Variants in STK32C observed in about 807,000 individuals in gnomAD.
The protein encoded by STK32C is serine/threonine-protein kinase 32C.
STK32C carries 31 observed loss-of-function variants against 56.5 expected under a neutral mutation model. The observed-to-expected ratio is 0.55, with a 90% CI of 0.41 to 0.74. STK32C has a LOEUF of 0.74. Ranked by LOEUF, STK32C falls within the 30% of genes least tolerant of loss-of-function variation. STK32C has a pLI of 0.00. For synonymous variants in STK32C, 309 were observed against 289.4 expected, an observed-to-expected ratio of 1.07 and a Z score of -0.69; for missense variants, 544 against 676.9, an observed-to-expected ratio of 0.80 and a Z score of 2.18.
rs190600928 is a variant in STK32C, at chr10:132,273,855, G to A, written c.263-27900C>T. Among the ~76,000 whole-genome samples, 5 of 152,188 alleles carry A rather than the reference G, an allele frequency of 3.3e-5. No homozygotes were observed. The East Asian group carries it at 7.7e-4, about 23-fold the overall frequency. Reference sequence around the variant, plus strand: ...GAATGAGTGAATGAACGCACAGTGAGTGAATGAATGAGAGTGGATCTAAGT... The same window carrying A: ...GAATGAGTGAATGAACGCACAGTGAATGAATGAATGAGAGTGGATCTAAGT... On this transcript the variant is annotated intron_variant, in intron 1 of 11. Transcript: ENST00000298630.
chr10:132,278,392 T>C (rs566001077), intron 1 of STK32C, among the ~76,000 whole-genome samples: 2 of 152,348 alleles, frequency 1.3e-5, no homozygotes, highest in African/African-American at 4.8e-5. Flanking sequence ...GAAAGGGCTC[T>C]TGACCAGGAA....
Position 132,282,805 on chromosome 10 carries a change from T to A in STK32C, c.262+24767A>T, listed in dbSNP as rs577525779. On this transcript the variant is annotated intron_variant, in intron 1 of 11. Transcript: ENST00000298630. ...CTCTGGGGAACCGGCCAGAAGTGACTGCTGCACCCTATTAGCTGCTGGAGC... is the reference window on the plus strand; with the variant it reads ...CTCTGGGGAACCGGCCAGAAGTGACAGCTGCACCCTATTAGCTGCTGGAGC... 3.9e-5 allele frequency among the ~76,000 whole-genome samples: 6 copies of A among 152,392 alleles called. No individual in the cohort carries two copies. In the East Asian group the frequency reaches 1.2e-3, roughly 29 times the overall value.
intron 8 of STK32C, among the ~76,000 whole-genome samples, chr10:132,223,545 G>A (rs550497692): frequency 6.6e-5 from 10 of 152,348 alleles, no homozygotes; most frequent in African/African-American, 2.4e-4. Flanking sequence ...CCCCACGCAG[G>A]CCCTCTCTAG....
chr10:132,227,397 T>C (rs962608551), intron 3 of STK32C, among the ~76,000 whole-genome samples: 4 of 152,128 alleles, frequency 2.6e-5, no homozygotes, highest in African/African-American at 9.7e-5. Flanking sequence ...ACAACCAGCA[T>C]CCATGGTGTT....
chr10:132,248,860 G>A (rs566790779), intron 1 of STK32C, among the ~76,000 whole-genome samples: 1 of 152,378 alleles, frequency 6.6e-6, no homozygotes, highest in South Asian at 2.1e-4. Flanking sequence ...CCCCCGAGCT[G>A]TGAACCAGCA....
chr10:132,227,965 T>C lies in STK32C; in HGVS notation c.470+12A>G, dbSNP rs771428810. ...GGTAAGTCTTTCTGCAGCGAGGCCA[T>C]GGCAGGCTCACCAGAGGTTCACCAG... On this transcript the variant is annotated intron_variant, in intron 3 of 11. Coordinates refer to ENST00000298630, the MANE Select transcript of STK32C (RefSeq NM_173575.4). The C allele has an allele frequency of 5.0e-6, 8 of 1,612,314 alleles. No individual in the cohort carries two copies. Among genetic ancestry groups the C allele is most frequent in the Admixed American group, 1.7e-5 (1 of 59,942 alleles).
At chr10:132,287,719 C>A (rs1331454092) in intron 1 of STK32C, among the ~76,000 whole-genome samples, 3 of 152,002 alleles carry the variant, frequency 2.0e-5, no homozygotes, top group Admixed American at 1.3e-4. Flanking sequence ...TCCCAAAGTA[C>A]TGGGATTACA....
chr10:132,297,825 C>A (rs2065801090), intron 1 of STK32C, among the ~76,000 whole-genome samples: 2 of 152,250 alleles, frequency 1.3e-5, no homozygotes, highest in Admixed American at 6.5e-5. Flanking sequence ...CCCGCCTGGT[C>A]TCTGGGGCTT....
At chr10:132,331,916 A>AC (rs56274613), upstream of STK32C, 1,908 of 617,690 alleles carry the variant, frequency 3.1e-3, 23 homozygotes, top group East Asian at 0.024. Flanking sequence ...GCGCACCACA[A>AC]CCCCCCCACC....
At position 132,248,537 on chromosome 10, in the gene STK32C, C is replaced by T. The variant is rs72856744; in HGVS notation, c.263-2582G>A. Among the ~76,000 whole-genome samples the T allele has an allele frequency of 6.2e-3, 937 of 152,346 alleles. 15 individuals carry two copies. In the South Asian group the frequency reaches 0.069, roughly 11 times the overall value. On this transcript the variant is annotated intron_variant, in intron 1 of 11. Coordinates refer to ENST00000298630, the MANE Select transcript of STK32C (RefSeq NM_173575.4). ...TTGCCGCTGCCCAGAGACCCCTGTG[C>T]TCCTTGCAGCGGCCGGTAGAGGCAA...
chr10:132,332,069 C>T (rs1479626384), upstream of STK32C: 2 of 274,770 alleles, frequency 7.3e-6, no homozygotes, highest in Admixed American at 5.6e-5. Context: ...ACACGCACAC[C>T]CCCGCGCGCA....
intron 1 of STK32C, among the ~76,000 whole-genome samples, chr10:132,270,943 T>C (rs1444109468): frequency 2.0e-5 from 3 of 151,532 alleles, no homozygotes; most frequent in East Asian, 3.9e-4. Flanking sequence ...CCAATAAGGG[T>C]AGGGCAATGG....
intron 1 of STK32C, among the ~76,000 whole-genome samples, chr10:132,302,485 G>A (rs1022463487): frequency 3.9e-5 from 6 of 152,158 alleles, no homozygotes; most frequent in African/African-American, 1.4e-4. Context: ...AACCGGGGAA[G>A]CCAGGAGCAA....
intron 1 of STK32C, among the ~76,000 whole-genome samples, chr10:132,328,803 T>C (rs1456119008): frequency 6.6e-6 from 1 of 152,348 alleles, no homozygotes; most frequent in African/African-American, 2.4e-5. Context: ...TGCAGCGATA[T>C]CTGGAGATGG....
intron 10 of STK32C, among the ~76,000 whole-genome samples, chr10:132,213,540 C>G (rs1265997597): frequency 3.9e-5 from 6 of 152,210 alleles, no homozygotes; most frequent in Admixed American, 6.5e-5. Flanking sequence ...ATTACATAAA[C>G]CTCACACTAA....
At chr10:132,213,975 G>GA (rs1011149232) in intron 10 of STK32C, among the ~76,000 whole-genome samples, 27 of 144,220 alleles carry the variant, frequency 1.9e-4, no homozygotes, top group East Asian at 4.0e-4. Flanking sequence ...AATGCAAAGA[G>GA]AAAAAAAAAA....
chr10:132,297,782 GGGGCCCGCCCCGC>G (rs1160386891), intron 1 of STK32C, among the ~76,000 whole-genome samples: 2 of 152,214 alleles, frequency 1.3e-5, no homozygotes. Flanking sequence ...CCCGTAGTCA[GGGGCCCGCCCCGC>G]GGCCAGCAGC....
At chr10:132,237,888 T>C (rs921741334) in intron 2 of STK32C, among the ~76,000 whole-genome samples, 1 of 152,226 alleles carries the variant, frequency 6.6e-6, no homozygotes, top group African/African-American at 2.4e-5. Flanking sequence ...CCGGGTTCTC[T>C]AATCAGTGCT....
intron 1 of STK32C, among the ~76,000 whole-genome samples, chr10:132,290,970 T>C (rs1042640494): frequency 6.6e-6 from 1 of 152,182 alleles, no homozygotes; most frequent in Non-Finnish European, 1.5e-5. Flanking sequence ...ACAGCCAGTC[T>C]TCCACCGGCT....
Sources: gnomAD v4.1 joint callset for allele counts (sites outside exome capture counted in the v4.1 genomes callset) on GRCh38, gnomAD v4.1.1 for gene constraint, MANE v1.5 for transcripts, NCBI Gene and HGNC (gene_info 2026-07-23, HGNC 2026-07-21) for gene names.